Variants in TNFRSF19 observed in about 807,000 individuals in gnomAD.
TNFRSF19 encodes the protein TNF receptor superfamily member 19, also known as tumor necrosis factor receptor superfamily member 19.
Under a neutral mutation model 46.4 loss-of-function variants are expected in TNFRSF19, and 27 were observed. The ratio of observed to expected loss-of-function variants is 0.58; its 90% CI spans 0.43 to 0.80. The LOEUF (loss-of-function observed/expected upper bound fraction) is 0.80. TNFRSF19 is among the 30% of genes least tolerant of loss of function. TNFRSF19 has a pLI of 0.00. For missense variants in TNFRSF19, 511 were observed against 530.8 expected (o/e 0.96, Z 0.37); for synonymous variants, 204 against 205.0 (o/e 1.00, Z 0.04).
chr13:23,601,228 A>T (rs1880138634), intron 3 of TNFRSF19, among the ~76,000 whole-genome samples: 1 of 152,036 alleles, frequency 6.6e-6, no homozygotes, highest in South Asian at 2.1e-4. Flanking sequence ...CAAAGAAAAA[A>T]CCCTCCAAGA....
intron 4 of TNFRSF19, among the ~76,000 whole-genome samples, chr13:23,616,556 T>C (rs1275649521): frequency 4.0e-5 from 5 of 126,220 alleles, no homozygotes; most frequent in Non-Finnish European, 7.3e-5. Flanking sequence ...TTATTTCTTA[T>C]AGGTTTTGTT....
In TNFRSF19 at chr13:23,659,873, A is replaced by T. The variant is rs1566220153; in HGVS notation, c.611-492A>T. Among the ~76,000 whole-genome samples, 1 of 152,158 alleles carries T rather than the reference A, an allele frequency of 6.6e-6. No individual in the cohort carries two copies. Among genetic ancestry groups the T allele is most frequent in the Non-Finnish European group, 1.5e-5 (1 of 68,030 alleles). On this transcript the variant is annotated intron_variant, in intron 6 of 9. Coordinates refer to ENST00000248484, the MANE Select transcript of TNFRSF19 (RefSeq NM_148957.4). The surrounding 1 kb of genome is among the most constrained non-coding windows in gnomAD (Gnocchi z 4.9). ...GAGAAAAGAAAATGTTACTAAGAGAATCATAAGGGAGACAAAATAGATTTA... is the reference window on the plus strand; with the variant it reads ...GAGAAAAGAAAATGTTACTAAGAGATTCATAAGGGAGACAAAATAGATTTA...
Position 23,571,501 on chromosome 13 carries a change from C to T in TNFRSF19, c.-35+653C>T, listed in dbSNP as rs1368480206. 2.0e-5 allele frequency among the ~76,000 whole-genome samples: 3 copies of T among 152,094 alleles called. No individual in the cohort carries two copies. In the East Asian group the frequency reaches 5.8e-4, roughly 29 times the overall value. ...AAAATACTCCAGTGATTTTCTATAACCTTTGGAAATAGCATAAGCCTTATT... is the reference window on the plus strand; with the variant it reads ...AAAATACTCCAGTGATTTTCTATAATCTTTGGAAATAGCATAAGCCTTATT... On this transcript the variant is annotated intron_variant, in intron 1 of 9. Transcript: ENST00000248484.
chr13:23,644,739 G>A (rs1883232342), intron 5 of TNFRSF19, among the ~76,000 whole-genome samples: 1 of 152,192 alleles, frequency 6.6e-6, no homozygotes, highest in African/African-American at 2.4e-5. Flanking sequence ...CAACTGCGGT[G>A]AGCTGTCCTA....
chr13:23,668,584 T>TA lies in TNFRSF19; in HGVS notation c.840-105dup, dbSNP rs1951690458. On this transcript the variant is annotated intron_variant, in intron 8 of 9. Transcript: ENST00000248484. ...AGGAAACACTAGAATTCTGATGCAG[T>TA]AAATTGCTATTTCATTTAGAAGACC... The TA allele has an allele frequency of 2.3e-6, 3 of 1,281,788 alleles. No homozygotes were observed. In the Admixed American group the frequency reaches 7.3e-5, roughly 31 times the overall value. The allele number at this position is 1,281,788 out of a possible 1,614,324, so 79.4% of individuals were successfully genotyped here.
At chr13:23,671,523 T>C (rs1434912875) in intron 9 of TNFRSF19, among the ~76,000 whole-genome samples, 2 of 151,762 alleles carry the variant, frequency 1.3e-5, no homozygotes, top group Non-Finnish European at 2.9e-5. Context: ...AAAAAAACTT[T>C]AGTTGCACTT....
intron 4 of TNFRSF19, among the ~76,000 whole-genome samples, chr13:23,618,475 C>T (rs925742624): frequency 6.6e-6 from 1 of 152,128 alleles, no homozygotes; most frequent in Non-Finnish European, 1.5e-5. Context: ...CTATAGCCAA[C>T]AAAAACCAGA....
chr13:23,571,947 C>A (rs1461935216), intron 1 of TNFRSF19, among the ~76,000 whole-genome samples: 3 of 151,724 alleles, frequency 2.0e-5, no homozygotes, highest in African/African-American at 4.8e-5. Flanking sequence ...CTATTTGATG[C>A]TAGCTGAACC....
chr13:23,642,619 TA>T (rs1048714358), intron 5 of TNFRSF19, among the ~76,000 whole-genome samples: 1 of 152,210 alleles, frequency 6.6e-6, no homozygotes, highest in African/African-American at 2.4e-5. Flanking sequence ...CAGTAAGTTT[TA>T]AAGCCAAGAA....
intron 5 of TNFRSF19, among the ~76,000 whole-genome samples, chr13:23,630,750 GTC>G (rs1882305539): frequency 6.6e-6 from 1 of 152,188 alleles, no homozygotes; most frequent in African/African-American, 2.4e-5. Context: ...CCTGCCTTCA[GTC>G]TGATAAGAAA....
intron 5 of TNFRSF19, among the ~76,000 whole-genome samples, chr13:23,637,219 T>C (rs974912283): frequency 3.9e-5 from 6 of 152,220 alleles, no homozygotes; most frequent in African/African-American, 1.2e-4. Flanking sequence ...TGATTACTAA[T>C]TTTCTCATAA....
intron 7 of TNFRSF19, among the ~76,000 whole-genome samples, chr13:23,664,357 A>T (rs1261944085): frequency 1.3e-5 from 2 of 152,072 alleles, no homozygotes; most frequent in East Asian, 3.9e-4. Flanking sequence ...CTGTGGTCTG[A>T]GCATGTGTTT....
intron 9 of TNFRSF19, chr13:23,669,590 C>T (rs1335667036): frequency 4.1e-6 from 4 of 985,240 alleles, no homozygotes; most frequent in South Asian, 4.7e-5. Flanking sequence ...TCTGCTTTAC[C>T]GGATTGATTG....
chr13:23,630,037 C>T (rs1326666586), intron 5 of TNFRSF19, among the ~76,000 whole-genome samples: 1 of 152,136 alleles, frequency 6.6e-6, no homozygotes, highest in Non-Finnish European at 1.5e-5. Context: ...GGTGCTGTGG[C>T]TCACGCCTGT....
intron 7 of TNFRSF19, 95 bp downstream of exon 7, chr13:23,660,585 G>C: frequency 7.0e-7 from 1 of 1,418,554 alleles, no homozygotes; most frequent in Non-Finnish European, 9.4e-7. Flanking sequence ...TCACAGCGAG[G>C]TGGCTGTGTT....
chr13:23,588,200 G>T (rs943227504), intron 1 of TNFRSF19, among the ~76,000 whole-genome samples: 2 of 152,194 alleles, frequency 1.3e-5, no homozygotes, highest in Non-Finnish European at 2.9e-5. Flanking sequence ...GCCCCATTTA[G>T]AGATGAGGAA....
chr13:23,651,840 C>CTTTTTT (rs71070609), intron 5 of TNFRSF19, among the ~76,000 whole-genome samples: 3 of 35,980 alleles, frequency 8.3e-5, no homozygotes, highest in Admixed American at 5.1e-4. Context: ...ACACTATAGT[C>CTTTTTT]TTTTTTTTTT....
intron 2 of TNFRSF19, among the ~76,000 whole-genome samples, chr13:23,592,646 T>C (rs2138186801): frequency 6.6e-6 from 1 of 152,278 alleles, no homozygotes. Flanking sequence ...CTTTGAAGAG[T>C]TCCGAGAGTT....
intron 3 of TNFRSF19, among the ~76,000 whole-genome samples, chr13:23,605,355 C>T (rs1880437788): frequency 6.6e-6 from 1 of 152,188 alleles, no homozygotes; most frequent in African/African-American, 2.4e-5. Flanking sequence ...GTTCTCATTC[C>T]TTGCTAGTGG....
Sources: gnomAD v4.1 joint callset for allele counts (sites outside exome capture counted in the v4.1 genomes callset) on GRCh38, gnomAD v4.1.1 for gene constraint, Gnocchi (gnomAD v3.1) non-coding constraint, MANE v1.5 for transcripts, NCBI Gene and HGNC (gene_info 2026-07-23, HGNC 2026-07-21) for gene names.